BTD: variants seen among roughly 807,000 people sequenced by gnomAD.
BTD encodes the protein biotinidase.
Under a neutral mutation model 17.7 loss-of-function variants are expected in BTD, and 13 were observed. The ratio of observed to expected loss-of-function variants is 0.74; its 90% confidence interval spans 0.48 to 1.17. The LOEUF is 1.17. BTD is among the 50% of genes most tolerant of loss of function. The probability of loss-of-function intolerance (pLI) is 0.00; values close to 1 mark genes in which losing one functional copy is unlikely to be tolerated. For synonymous variants in BTD, 240 were observed against 245.2 expected, an observed-to-expected ratio of 0.98 and a Z score of 0.20; for missense variants, 674 against 650.4, an observed-to-expected ratio of 1.04 and a Z score of -0.39.
exon 4 of BTD, among the ~76,000 whole-genome samples, chr3:15,710,217 T>C (rs1038823723): frequency 1.3e-5 from 2 of 152,200 alleles, no homozygotes; most frequent in Admixed American, 1.3e-4. Flanking sequence ...CTTTCCCTTA[T>C]CTTCTCCTAT....
downstream of BTD, among the ~76,000 whole-genome samples, chr3:15,653,810 C>T (rs540201329): frequency 1.3e-5 from 2 of 152,292 alleles, no homozygotes; most frequent in Admixed American, 6.5e-5. Flanking sequence ...CAAAAAATCA[C>T]GTGTGAAAGT....
Position 15,709,232 on chromosome 3 carries a change from C to T in BTD, c.400-828C>T, listed in dbSNP as rs373454207. On this transcript the variant is annotated intron_variant, in intron 3 of 3. Coordinates refer to the BTD transcript ENST00000672141. ...AAAAATTACACATATATATTTATAA[C>T]CTATTTCCTCCCTCTTACTACTGCT... Among the ~76,000 whole-genome samples the T allele has an allele frequency of 8.5e-5, 13 of 152,154 alleles. No individual in the cohort carries two copies. The East Asian group carries it at 1.3e-3, about 16-fold the overall frequency.
intron 3 of BTD, chr3:15,676,029 G>GA: frequency 6.5e-7 from 1 of 1,528,062 alleles, no homozygotes; most frequent in Non-Finnish European, 9.0e-7. Flanking sequence ...ATATGTGCAT[G>GA]TGCATGCACA....
chr3:15,607,778 G>T (rs976647336), intron 1 of BTD, among the ~76,000 whole-genome samples: 18 of 152,084 alleles, frequency 1.2e-4, no homozygotes, highest in African/African-American at 4.3e-4. Flanking sequence ...AAATAAAAAG[G>T]CGGAAACAAC....
rs79155411 is a variant in BTD, at chr3:15,702,443, C to G, written c.400-7617C>G. 1.1e-4 allele frequency among the ~76,000 whole-genome samples: 16 copies of G among 152,212 alleles called. No individual in the cohort carries two copies. In the East Asian group the frequency reaches 3.1e-3, roughly 29 times the overall value. On this transcript the variant is annotated intron_variant, in intron 3 of 3. Transcript: ENST00000672141. ...CGCAGACAATTAAGAAATGAAGATT[C>G]TCCATAATCTGTCCTCTGAAATAAA...
chr3:15,625,629 C>A (rs964306227), intron 1 of BTD, among the ~76,000 whole-genome samples: 3 of 152,298 alleles, frequency 2.0e-5, no homozygotes, highest in Admixed American at 6.5e-5. Flanking sequence ...GATCTCGGCT[C>A]ACTGCAATCT....
chr3:15,688,153 C>A (rs1428965838), intron 3 of BTD, among the ~76,000 whole-genome samples: 1 of 152,174 alleles, frequency 6.6e-6, no homozygotes, highest in Non-Finnish European at 1.5e-5. Context: ...TCAATATTTA[C>A]CTATTGAGAG....
intron 2 of BTD, 31 bp from the exon 3 acceptor site, chr3:15,641,877 A>G (rs2065519451): frequency 4.6e-6 from 7 of 1,508,316 alleles, no homozygotes; most frequent in Non-Finnish European, 6.4e-6. Flanking sequence ...CCATCTGATA[A>G]CAGACTATTC....
rs189058214 is a variant in BTD, at chr3:15,602,074, G to A, written c.-17+180G>A. On this transcript the variant is annotated intron_variant, in intron 1 of 3. Coordinates refer to ENST00000643237, the MANE Select transcript of BTD (RefSeq NM_001370658.1). ...CGTTGCTGCTGTGCTACCGCGTTGC[G>A]TTTTCTAGGCATTTACTTACACGCT... 6.2e-6 allele frequency: 9 copies of A among 1,442,144 alleles called. No homozygotes were observed. In the East Asian group the frequency reaches 1.2e-4, roughly 20 times the overall value. The allele number at this position is 1,442,144 out of a possible 1,614,324, so 89.3% of individuals were successfully genotyped here. A position where few individuals can be genotyped will look rare whatever the true frequency, so the allele number is the denominator to read the frequency against.
chr3:15,673,259 AT>A (rs1268877575), intron 3 of BTD, among the ~76,000 whole-genome samples: 2 of 152,218 alleles, frequency 1.3e-5, no homozygotes, highest in Non-Finnish European at 2.9e-5. Context: ...CAATTAAACT[AT>A]TTTAAGTGCA....
At chr3:15,718,733 A>C (rs535240315) in intron 4 of BTD, among the ~76,000 whole-genome samples, 5 of 152,332 alleles carry the variant, frequency 3.3e-5, no homozygotes, top group African/African-American at 1.2e-4. Flanking sequence ...TAATTTCCAT[A>C]ATACTAACAC....
chr3:15,713,739 TAATA>T, downstream of BTD: 1 of 645,924 alleles, frequency 1.5e-6, no homozygotes, highest in South Asian at 2.9e-5. Context: ...ACATACAAAC[TAATA>T]GATACAGCAA....
chr3:15,612,582 T>A (rs917821062), intron 1 of BTD, among the ~76,000 whole-genome samples: 42 of 152,172 alleles, frequency 2.8e-4, no homozygotes, highest in Admixed American at 1.0e-3. Flanking sequence ...TATCTGCCGA[T>A]GTTGATGTTC....
chr3:15,638,843 G>A (rs1173997594), intron 2 of BTD, among the ~76,000 whole-genome samples: 1 of 152,192 alleles, frequency 6.6e-6, no homozygotes, highest in East Asian at 1.9e-4. Flanking sequence ...ACTGAACACT[G>A]TAGGCAGTTG....
downstream of BTD, chr3:15,713,742 T>C (rs941046929): frequency 2.4e-5 from 15 of 623,818 alleles, no homozygotes; most frequent in Non-Finnish European, 3.7e-5. Context: ...TACAAACTAA[T>C]AGATACAGCA....
chr3:15,699,060 A>C (rs1380175946), intron 3 of BTD, among the ~76,000 whole-genome samples: 1 of 152,238 alleles, frequency 6.6e-6, no homozygotes, highest in African/African-American at 2.4e-5. Flanking sequence ...ACAATGGAAC[A>C]GAACAGAGGC....
chr3:15,628,859 A>T (rs2065133182), intron 1 of BTD, among the ~76,000 whole-genome samples: 1 of 152,190 alleles, frequency 6.6e-6, no homozygotes, highest in Non-Finnish European at 1.5e-5. Context: ...TTTGCAGGAT[A>T]TGGTTGAAAC....
At chr3:15,656,997 T>C (rs1244257543), downstream of BTD, among the ~76,000 whole-genome samples, 1 of 152,180 alleles carries the variant, frequency 6.6e-6, no homozygotes, top group Non-Finnish European at 1.5e-5. Context: ...TCCAGGGTAG[T>C]TTCTCCACTC....
At chr3:15,601,396 G>C, upstream of BTD, 1 of 1,614,046 alleles carries the variant, frequency 6.2e-7, no homozygotes, top group Non-Finnish European at 8.5e-7. Flanking sequence ...CGTTTTCAGG[G>C]CCTGAGCGAT....
Sources: gnomAD v4.1 joint callset for allele counts (sites outside exome capture counted in the v4.1 genomes callset) on GRCh38, gnomAD v4.1.1 for gene constraint, MANE v1.5 for transcripts, NCBI Gene and HGNC (gene_info 2026-07-23, HGNC 2026-07-21) for gene names.